The following DNM2 variants were observed in gnomAD, a reference collection of about 807,000 sequenced individuals.
DNM2 encodes the protein dynamin-2.
In DNM2, 15 loss-of-function variants were observed where a neutral mutation model predicts 99.0. The observed-to-expected ratio is 0.15, with a 90% CI of 0.10 to 0.23. The LOEUF (loss-of-function observed/expected upper bound fraction) is 0.23. DNM2 is among the 10% of genes least tolerant of loss of function. The probability of loss-of-function intolerance (pLI) is 1.00; values close to 1 mark genes in which losing one functional copy is unlikely to be tolerated. For missense variants in DNM2, 742 were observed against 1,189.4 expected (o/e 0.62, Z 5.53); for synonymous variants, 525 against 481.2 (o/e 1.09, Z -1.19).
At chr19:10,746,578 A>C (rs969716883) in intron 1 of DNM2, among the ~76,000 whole-genome samples, 1 of 149,732 alleles carries the variant, frequency 6.7e-6, no homozygotes, top group Non-Finnish European at 1.5e-5. Flanking sequence ...CATGCACCAC[A>C]CCTGGCTAAT....
Position 10,775,059 on chromosome 19 carries a change from C to T in DNM2, c.386-644C>T. Among the ~76,000 whole-genome samples, 1 of 151,942 alleles carries T rather than the reference C, an allele frequency of 6.6e-6. No individual in the cohort carries two copies. ...GTGCTGGGATGACAGGCATGAGTCA[C>T]CGCGCCTGGCCTCATCCATTTGTCT... is the stretch of plus-strand genomic sequence containing the variant. On this transcript the variant is annotated intron_variant, in intron 3 of 20. Transcript: ENST00000389253. This position sits in a 1 kb window ranked among gnomAD's most constrained non-coding sequence, Gnocchi z 4.3.
intron 11 of DNM2, among the ~76,000 whole-genome samples, chr19:10,801,023 A>T (rs1232282744): frequency 6.6e-6 from 1 of 152,246 alleles, no homozygotes; most frequent in African/African-American, 2.4e-5. Context: ...AAGACTTTAC[A>T]GGCTGGACAC....
At chr19:10,747,551 G>A (rs1253933789) in intron 1 of DNM2, among the ~76,000 whole-genome samples, 1 of 152,166 alleles carries the variant, frequency 6.6e-6, no homozygotes, top group Non-Finnish European at 1.5e-5. Flanking sequence ...ATGTTGGGGA[G>A]GAGTGAGGCC....
chr19:10,829,630 G>A (rs981224687), intron 19 of DNM2, among the ~76,000 whole-genome samples: 1 of 152,194 alleles, frequency 6.6e-6, no homozygotes, highest in Non-Finnish European at 1.5e-5. Flanking sequence ...GCTCTGGAGG[G>A]GCAAACGCAA....
At chr19:10,787,327 C>T (rs1484615272) in intron 7 of DNM2, among the ~76,000 whole-genome samples, 1 of 151,998 alleles carries the variant, frequency 6.6e-6, no homozygotes, top group Non-Finnish European at 1.5e-5. Context: ...AAAAACTAGC[C>T]AGGCGTGGTG....
At chr19:10,800,325 G>GC (rs55933154) in intron 11 of DNM2, among the ~76,000 whole-genome samples, 2 of 152,058 alleles carry the variant, frequency 1.3e-5, no homozygotes. Context: ...GCAGGGAGGC[G>GC]CCCAGTTTTG....
At chr19:10,759,526 T>G in intron 1 of DNM2, 1 of 628,076 alleles carries the variant, frequency 1.6e-6, no homozygotes, top group Non-Finnish European at 2.9e-6. Flanking sequence ...GAAATGGTTC[T>G]GGTCACTATG....
Position 10,795,527 on chromosome 19 carries a change from C to G in DNM2, c.1196+88C>G, listed in dbSNP as rs548832530. On this transcript the variant is annotated intron_variant, in intron 9 of 20. Coordinates refer to ENST00000389253, the MANE Select transcript of DNM2 (RefSeq NM_001005361.3). The surrounding 1 kb of genome is among the most constrained non-coding windows in gnomAD (Gnocchi z 4.2). ...TTGGGTCACCCACACCTCTGAGTCC[C>G]TAATCGTTAGGCCTTAAGAGGGCTC... The G allele has an allele frequency of 1.9e-4, 281 of 1,494,232 alleles. 2 individuals are homozygous for G. In the African/African-American group the frequency reaches 3.0e-3, roughly 16 times the overall value. The allele number at this position is 1,494,232 out of a possible 1,614,324, so 92.6% of individuals were successfully genotyped here. A position where few individuals can be genotyped will look rare whatever the true frequency, so the allele number is the denominator to read the frequency against.
intron 7 of DNM2, among the ~76,000 whole-genome samples, chr19:10,787,668 T>A (rs184456250): frequency 2.9e-3 from 431 of 146,768 alleles, no homozygotes; most frequent in African/African-American, 0.011. Context: ...GGCAGGAGAA[T>A]GACATGAACC....
intron 1 of DNM2, among the ~76,000 whole-genome samples, chr19:10,725,931 ATTT>A (rs1017184182): frequency 1.3e-5 from 2 of 151,906 alleles, no homozygotes; most frequent in Admixed American, 6.6e-5. Flanking sequence ...TTACAAAAAA[ATTT>A]TTTTGGCAGG....
intron 11 of DNM2, 81 bp downstream of exon 11, chr19:10,798,653 C>A (rs1036336603): frequency 3.4e-5 from 49 of 1,458,672 alleles, no homozygotes; most frequent in Non-Finnish European, 4.7e-5. Flanking sequence ...ATGCTGACAG[C>A]TGCATATGGC....
intron 1 of DNM2, among the ~76,000 whole-genome samples, chr19:10,749,479 C>T (rs958047435): frequency 6.6e-6 from 1 of 152,230 alleles, no homozygotes; most frequent in Non-Finnish European, 1.5e-5. Flanking sequence ...GAAACCTGCT[C>T]TGGTGGGGTG....
At chr19:10,744,420 T>A (rs2069885107) in intron 1 of DNM2, among the ~76,000 whole-genome samples, 2 of 152,018 alleles carry the variant, frequency 1.3e-5, no homozygotes, top group Admixed American at 6.6e-5. Context: ...GTGGACTGAG[T>A]CTGCCTGGAT....
chr19:10,746,594 A>G (rs1321049142), intron 1 of DNM2, among the ~76,000 whole-genome samples: 1 of 150,420 alleles, frequency 6.6e-6, no homozygotes, highest in Non-Finnish European at 1.5e-5. Flanking sequence ...CTAATTTTGT[A>G]TTTTTAGTAG....
intron 7 of DNM2, among the ~76,000 whole-genome samples, chr19:10,791,153 A>G (rs2071740879): frequency 6.6e-6 from 1 of 151,932 alleles, no homozygotes; most frequent in Admixed American, 6.6e-5. Flanking sequence ...CACTGGTGCA[A>G]TCACGGCTCA....
intron 7 of DNM2, among the ~76,000 whole-genome samples, chr19:10,788,811 G>A (rs2071652901): frequency 6.6e-6 from 1 of 152,180 alleles, no homozygotes; most frequent in South Asian, 2.1e-4. Flanking sequence ...GGGACACCTG[G>A]GTAGCTCATA....
intron 2 of DNM2, among the ~76,000 whole-genome samples, chr19:10,770,758 T>C (rs572734372): frequency 6.6e-6 from 1 of 152,148 alleles, no homozygotes; most frequent in South Asian, 2.1e-4. Context: ...AACCATCAGA[T>C]CTCGTGAGAC....
At chr19:10,720,341 T>C (rs1173017091) in intron 1 of DNM2, among the ~76,000 whole-genome samples, 1 of 151,258 alleles carries the variant, frequency 6.6e-6, no homozygotes, top group Admixed American at 6.6e-5. Context: ...GCCTCCCGAG[T>C]AGCTGGGATT....
Position 10,830,546 on chromosome 19 carries a change from G to A in DNM2, c.2543+168G>A. On this transcript the variant is annotated intron_variant, in intron 20 of 20. Coordinates refer to ENST00000389253, the MANE Select transcript of DNM2 (RefSeq NM_001005361.3). This position sits in a 1 kb window ranked among gnomAD's most constrained non-coding sequence, Gnocchi z 4.8. ...GAAACAGGCCCAGAGAGGCCAAGAG[G>A]CTTGTTCAGTGTCACAGAGTAGCGG... 3.6e-6 allele frequency: 3 copies of A among 831,860 alleles called. No homozygotes were observed. The highest frequency in any genetic ancestry group is 5.5e-6 in the Non-Finnish European group (3 of 543,580). The allele number at this position is 831,860 out of a possible 1,614,324, so 51.5% of individuals were successfully genotyped here.
Sources: allele counts gnomAD v4.1 joint callset (sites outside exome capture counted in the v4.1 genomes callset), GRCh38; gene constraint gnomAD v4.1.1; non-coding constraint Gnocchi (gnomAD v3.1); transcripts MANE v1.5; gene names NCBI Gene and HGNC (gene_info 2026-07-23, HGNC 2026-07-21).